The following ATP2C1 variants were observed in gnomAD, a reference collection of about 807,000 sequenced individuals.
The protein encoded by ATP2C1 is calcium-transporting ATPase type 2C member 1.
Under a neutral mutation model 120.5 loss-of-function variants are expected in ATP2C1, and 31 were observed. That is an observed-to-expected ratio of 0.26 (90% CI 0.19 to 0.35). The LOEUF (loss-of-function observed/expected upper bound fraction) is 0.35, where lower values mean the gene tolerates loss of function less well. Among genes scored for constraint, ATP2C1 ranks in the 10% least tolerant of loss-of-function variants. ATP2C1 has a pLI of 1.00. For synonymous variants in ATP2C1, 351 were observed against 358.7 expected (o/e 0.98, Z 0.24); for missense variants, 731 against 1,107.5 (o/e 0.66, Z 4.83).
intron 1 of ATP2C1, among the ~76,000 whole-genome samples, chr3:130,867,380 C>G (rs2068216983): frequency 6.7e-6 from 1 of 148,290 alleles, no homozygotes; most frequent in Non-Finnish European, 1.5e-5. Flanking sequence ...GATGGTACTG[C>G]TGCCATCTCG....
At chr3:130,901,338 T>C (rs1302342148) in intron 2 of ATP2C1, among the ~76,000 whole-genome samples, 1 of 152,074 alleles carries the variant, frequency 6.6e-6, no homozygotes, top group Non-Finnish European at 1.5e-5. Flanking sequence ...AGATCAGTTA[T>C]TATATCTTGA....
Position 131,002,075 on chromosome 3 carries a change from G to A in ATP2C1, c.*725G>A, listed in dbSNP as rs2062914042. On this transcript the variant is annotated 3_prime_UTR_variant, in exon 28 of 28. Coordinates refer to ENST00000510168, the MANE Select transcript of ATP2C1 (RefSeq NM_001378687.1). ...AGAATTCATGCAGGGCTATCAAGTG[G>A]TGTTCTAGGGTAACAGTGTCCATAA... 1.0e-6 allele frequency: 1 copy of A among 985,420 alleles called. No individual in the cohort carries two copies. Among genetic ancestry groups the A allele is most frequent in the Non-Finnish European group, 1.2e-6 (1 of 829,894 alleles). 61.0% of individuals were successfully genotyped at this position (985,420 alleles called of 1,614,324 possible). A position where few individuals can be genotyped will look rare whatever the true frequency, so the allele number is the denominator to read the frequency against.
chr3:130,935,907 C>A (rs546092342), intron 5 of ATP2C1, among the ~76,000 whole-genome samples: 107 of 152,170 alleles, frequency 7.0e-4, no homozygotes, highest in Non-Finnish European at 1.2e-3. Context: ...ATGGTTGTCT[C>A]AAGGAAGGGT....
chr3:130,904,831 TAAGG>T (rs1194195266), intron 2 of ATP2C1, among the ~76,000 whole-genome samples: 2 of 152,072 alleles, frequency 1.3e-5, no homozygotes, highest in East Asian at 3.8e-4. Context: ...ATTCTACAAT[TAAGG>T]AAGTACTGTC....
At chr3:130,850,596 T>C (rs888916944) in exon 1 of ATP2C1, 6 of 322,338 alleles carry the variant, frequency 1.9e-5, no homozygotes, top group Non-Finnish European at 3.4e-5. Flanking sequence ...CCTTTGGGCA[T>C]TGCATTTCTG....
intron 2 of ATP2C1, chr3:130,918,337 A>T (rs2058780366): frequency 1.3e-6 from 2 of 1,559,686 alleles, no homozygotes; most frequent in African/African-American, 2.7e-5. Context: ...GGAGTTGTTG[A>T]TTCAAGACTC....
chr3:130,993,884 A>G (rs761474520), intron 21 of ATP2C1, 48 bp from the exon 22 acceptor site: 1 of 1,604,882 alleles, frequency 6.2e-7, no homozygotes, highest in East Asian at 2.2e-5. Flanking sequence ...TGGAAGCAAC[A>G]TTTTTATCAA....
At chr3:130,937,044 A>G (rs1200548156) in intron 5 of ATP2C1, among the ~76,000 whole-genome samples, 2 of 152,192 alleles carry the variant, frequency 1.3e-5, no homozygotes, top group Admixed American at 6.5e-5. Flanking sequence ...TATTTTTCAT[A>G]AAGTTATTTG....
chr3:130,951,851 T>C (rs1196030315), intron 8 of ATP2C1, among the ~76,000 whole-genome samples: 1 of 152,224 alleles, frequency 6.6e-6, no homozygotes, highest in Non-Finnish European at 1.5e-5. Context: ...TGTCATATTA[T>C]CTAAACTTCT....
At chr3:130,964,801 A>G in intron 13 of ATP2C1, 147 bp from the exon 14 acceptor site, 1 of 608,230 alleles carries the variant, frequency 1.6e-6, no homozygotes, top group African/African-American at 1.9e-5. Context: ...AAGCATAATG[A>G]GAGAAGTTAA....
chr3:130,954,941 A>ATG (rs1346522270), intron 9 of ATP2C1, 71 bp from the exon 10 acceptor site: 3 of 1,015,740 alleles, frequency 3.0e-6, no homozygotes, highest in South Asian at 1.3e-5. Flanking sequence ...AAGTTGTTGG[A>ATG]TGTGTGTGTG....
At chr3:130,901,575 T>C (rs1259011236) in intron 2 of ATP2C1, among the ~76,000 whole-genome samples, 1 of 151,964 alleles carries the variant, frequency 6.6e-6, no homozygotes, top group South Asian at 2.1e-4. Context: ...CTGCAAGATG[T>C]CATTTGGGTC....
intron 1 of ATP2C1, among the ~76,000 whole-genome samples, chr3:130,866,928 T>C (rs2068196732): frequency 6.6e-6 from 1 of 152,248 alleles, no homozygotes; most frequent in Admixed American, 6.5e-5. Flanking sequence ...GCACTATTTT[T>C]CCAAAATCAT....
intron 2 of ATP2C1, among the ~76,000 whole-genome samples, chr3:130,912,118 T>C (rs1289715410): frequency 1.8e-5 from 2 of 108,592 alleles, no homozygotes; most frequent in Non-Finnish European, 3.7e-5. Context: ...GGATTAAAGA[T>C]TTAAACGTTA....
intron 2 of ATP2C1, among the ~76,000 whole-genome samples, chr3:130,920,260 G>A (rs900473986): frequency 1.3e-5 from 2 of 152,128 alleles, no homozygotes; most frequent in African/African-American, 2.4e-5. Context: ...GATAATCGCC[G>A]ACACCAGTGT....
rs1369695530 is a variant in ATP2C1, at chr3:130,885,036, C to T, written c.108+34108C>T. Among the ~76,000 whole-genome samples the T allele has an allele frequency of 3.3e-5, 5 of 150,608 alleles. No individual in the cohort carries two copies. In the East Asian group the frequency reaches 5.9e-4, roughly 18 times the overall value. ...GCAACCTCCGCCTCCTGGGTTCAAG[C>T]GATTCTCCTGCCTCAGCCTCTGGAG... On this transcript the variant is annotated intron_variant, in intron 1 of 26. Coordinates refer to the ATP2C1 transcript ENST00000504381.
intron 1 of ATP2C1, among the ~76,000 whole-genome samples, chr3:130,871,512 G>A (rs1227935286): frequency 1.3e-5 from 2 of 152,210 alleles, no homozygotes; most frequent in Non-Finnish European, 2.9e-5. Context: ...CACACTTTCA[G>A]AACCACTGTT....
chr3:130,957,070 G>C (rs1370031938), intron 11 of ATP2C1, among the ~76,000 whole-genome samples: 1 of 152,132 alleles, frequency 6.6e-6, no homozygotes, highest in African/African-American at 2.4e-5. Context: ...GGAATGCTAA[G>C]CATGTGGGAC....
Position 130,996,052 on chromosome 3 carries a change from C to A in ATP2C1, c.2067C>A (p.Ile689=). The A allele has an allele frequency of 1.9e-6, 3 of 1,596,678 alleles. No homozygotes were observed. The highest frequency in any genetic ancestry group is 2.6e-6 in the Non-Finnish European group (3 of 1,164,768). ...ATTTTTTAAATTTCAGGTCTGCAAT[C>A]GAAGAGGGTAAAGGGATTTATAATA... ...DDDFQTIMSA[I]EEGKGIYNNI... is the part of the protein sequence containing the mutation. The change falls in exon 23 of 28, where the codon ATC becomes ATA. Residue 689 remains isoleucine, a synonymous_variant. Coordinates refer to ENST00000510168, the MANE Select transcript of ATP2C1 (RefSeq NM_001378687.1).
Sources: gnomAD v4.1 joint callset for allele counts (sites outside exome capture counted in the v4.1 genomes callset) on GRCh38, gnomAD v4.1.1 for gene constraint, MANE v1.5 for transcripts, NCBI Gene and HGNC (gene_info 2026-07-23, HGNC 2026-07-21) for gene names.